The following IL21R variants were observed in gnomAD, a reference collection of about 807,000 sequenced individuals.
IL21R encodes interleukin-21 receptor.
A neutral mutation model predicts 41.3 loss-of-function variants in IL21R; 14 were observed. The ratio of observed to expected loss-of-function variants is 0.34; its 90% CI spans 0.22 to 0.53. The LOEUF is 0.53. IL21R is among the 20% of genes least tolerant of loss of function. IL21R has a pLI of 0.94. For missense variants in IL21R, 588 were observed against 681.6 expected, an observed-to-expected ratio of 0.86 and a Z score of 1.53; for synonymous variants, 286 against 287.6, an observed-to-expected ratio of 0.99 and a Z score of 0.05.
intron 3 of IL21R, among the ~76,000 whole-genome samples, chr16:27,435,747 C>A (rs1485286907): frequency 6.6e-6 from 1 of 151,682 alleles, no homozygotes; most frequent in East Asian, 2.0e-4. Flanking sequence ...AGCCACCATG[C>A]CAGGCCCAAA....
intron 1 of IL21R, among the ~76,000 whole-genome samples, chr16:27,414,699 T>G (rs1429747001): frequency 1.3e-5 from 2 of 152,124 alleles, no homozygotes; most frequent in East Asian, 3.8e-4. Flanking sequence ...TTCCTATTAG[T>G]TTGTTCATTG....
chr16:27,405,448 T>C (rs2086727598), intron 1 of IL21R, among the ~76,000 whole-genome samples: 2 of 152,212 alleles, frequency 1.3e-5, no homozygotes, highest in African/African-American at 4.8e-5. Flanking sequence ...AAATAAGAGC[T>C]CTTATGATGA....
At position 27,451,136 on chromosome 16, in the gene IL21R, G is replaced by A. The variant is rs894638309; in HGVS notation, c.*1853G>A. The A allele has an allele frequency of 9.5e-5, 22 of 232,742 alleles. No homozygotes were observed. Among genetic ancestry groups the A allele is most frequent in the Middle Eastern group, 1.3e-3 (1 of 784 alleles). The allele number at this position is 232,742 out of a possible 1,614,324, so 14.4% of individuals were successfully genotyped here. ...GAGCAGGCGCAGCCCTCAACACCCC[G>A]TGCACCTGCACCCTAGGGACTCTTG... On this transcript the variant is annotated 3_prime_UTR_variant, in exon 9 of 9. Transcript: ENST00000337929.
intron 2 of IL21R, among the ~76,000 whole-genome samples, chr16:27,433,421 G>A (rs1049511411): frequency 5.3e-5 from 8 of 152,174 alleles, no homozygotes; most frequent in Admixed American, 2.6e-4. Context: ...AGCTGAGATC[G>A]CACCACTGCA....
In IL21R at chr16:27,448,737, C is replaced by A. The variant is rs1442303038; in HGVS notation, c.1071C>A (p.Asn357Lys). 1 of 1,613,486 alleles carries A rather than the reference C, an allele frequency of 6.2e-7. No individual in the cohort carries two copies. Among genetic ancestry groups the A allele is most frequent in the African/African-American group, 1.3e-5 (1 of 75,056 alleles). ...PKPSFWPTAQNSGGSAYSEER... is the reference protein window; with the variant it reads ...PKPSFWPTAQKSGGSAYSEER... ...CCAGCTTCTGGCCGACAGCCCAGAA[C>A]TCGGGGGGCTCAGCTTACAGTGAGG... The change falls in exon 9 of 9, where the codon AAC (asparagine) becomes AAA (lysine). Residue 357 changes from asparagine to lysine, a missense_variant. Transcript: ENST00000337929.
chr16:27,437,769 C>T, intron 4 of IL21R, 82 bp downstream of exon 4: 3 of 1,099,692 alleles, frequency 2.7e-6, no homozygotes, highest in East Asian at 5.0e-5. Context: ...CTCAGGTGAT[C>T]CTCCCACCTC....
chr16:27,406,891 T>C (rs1457818849), intron 1 of IL21R, among the ~76,000 whole-genome samples: 1 of 152,212 alleles, frequency 6.6e-6, no homozygotes, highest in Non-Finnish European at 1.5e-5. Flanking sequence ...CCAGGGCCAC[T>C]GGGCTAGTTC....
At chr16:27,444,814 A>C (rs1277675549) in intron 6 of IL21R, 95 bp downstream of exon 6, 1 of 1,168,868 alleles carries the variant, frequency 8.6e-7, no homozygotes, top group Non-Finnish European at 1.2e-6. Context: ...CACAGCTGGG[A>C]GGTATTCAGT....
chr16:27,421,451 C>T (rs1032325493), intron 1 of IL21R, among the ~76,000 whole-genome samples: 2 of 149,158 alleles, frequency 1.3e-5, no homozygotes, highest in African/African-American at 4.9e-5. Flanking sequence ...AATCTATGAA[C>T]ATGGTATATC....
At chr16:27,413,826 C>T (rs2086855574) in intron 1 of IL21R, among the ~76,000 whole-genome samples, 1 of 151,590 alleles carries the variant, frequency 6.6e-6, no homozygotes, top group Admixed American at 6.6e-5. Context: ...TAATTTGAGT[C>T]TTCTCTCTTT....
At chr16:27,429,092 C>T (rs1237766844) in intron 1 of IL21R, among the ~76,000 whole-genome samples, 20 of 152,122 alleles carry the variant, frequency 1.3e-4, no homozygotes, top group East Asian at 1.9e-4. Flanking sequence ...GGCGTGGTGG[C>T]GGCCACCTGT....
chr16:27,418,061 T>TTTTATTTTATTTTA (rs1381928636), intron 1 of IL21R, among the ~76,000 whole-genome samples: 1 of 144,882 alleles, frequency 6.9e-6, no homozygotes, highest in African/African-American at 2.5e-5. Context: ...TTTTATTTTA[T>TTTTATTTTATTTTA]TTTATTTATG....
At chr16:27,447,114 G>C (rs2048715044) in intron 8 of IL21R, among the ~76,000 whole-genome samples, 1 of 152,190 alleles carries the variant, frequency 6.6e-6, no homozygotes, top group Non-Finnish European at 1.5e-5. Flanking sequence ...GGAGGCCAAA[G>C]AGTGGGCAGG....
intron 1 of IL21R, among the ~76,000 whole-genome samples, chr16:27,424,008 C>G (rs921098476): frequency 1.3e-5 from 2 of 152,152 alleles, no homozygotes; most frequent in South Asian, 2.1e-4. Context: ...ATCAGACTTT[C>G]AGTTTTTGCC....
In IL21R at chr16:27,419,582, C is replaced by T. The variant is rs180938891; in HGVS notation, c.-16-10474C>T. On this transcript the variant is annotated intron_variant, in intron 1 of 8. Transcript: ENST00000337929. ...AGCTGGAATTACAAGCACACACCAC[C>T]GTGCCTGGCTAATTTTTGTATTTTT... Among the ~76,000 whole-genome samples the T allele has an allele frequency of 8.7e-4, 132 of 152,286 alleles. 2 individuals are homozygous for T. The highest frequency in any genetic ancestry group is 8.1e-3 in the South Asian group (39 of 4,826).
At chr16:27,412,478 T>G (rs928675310) in intron 1 of IL21R, among the ~76,000 whole-genome samples, 1 of 152,004 alleles carries the variant, frequency 6.6e-6, no homozygotes, top group Non-Finnish European at 1.5e-5. Flanking sequence ...TAGGGTCCCT[T>G]GAAGTTCCAT....
intron 1 of IL21R, chr16:27,403,193 T>A: frequency 7.4e-7 from 1 of 1,344,156 alleles, no homozygotes; most frequent in Non-Finnish European, 9.8e-7. Context: ...TGCATCTTTC[T>A]CATGAAGCAC....
intron 1 of IL21R, among the ~76,000 whole-genome samples, chr16:27,420,359 A>T (rs1427082990): frequency 6.6e-6 from 1 of 152,202 alleles, no homozygotes; most frequent in African/African-American, 2.4e-5. Context: ...TCTGTCATTG[A>T]ATGAAATATC....
intron 2 of IL21R, 89 bp downstream of exon 2, chr16:27,430,209 A>G: frequency 9.2e-7 from 1 of 1,090,854 alleles, no homozygotes. Context: ...GCTCAAAAAC[A>G]CGGCTAGAGT....
Sources: allele counts gnomAD v4.1 joint callset (sites outside exome capture counted in the v4.1 genomes callset), GRCh38; gene constraint gnomAD v4.1.1; transcripts MANE v1.5; gene names NCBI Gene and HGNC (gene_info 2026-07-23, HGNC 2026-07-21).